Variants in SLC15A5 observed in about 807,000 individuals in gnomAD.
SLC15A5 encodes solute carrier family 15 member 5, also known as Peptide/histidine transporter ENSP00000340402.
A neutral mutation model predicts 56.1 loss-of-function variants in SLC15A5; 58 were observed. The ratio of observed to expected loss-of-function variants is 1.03; its 90% CI spans 0.84 to 1.29. The LOEUF (loss-of-function observed/expected upper bound fraction) is 1.29, where lower values mean the gene tolerates loss of function less well. SLC15A5 is among the 50% of genes most tolerant of loss of function. The pLI is 0.00. For synonymous variants in SLC15A5, 264 were observed against 250.5 expected (o/e 1.05, Z -0.51); for missense variants, 681 against 672.1 (o/e 1.01, Z -0.15).
intron 2 of SLC15A5, among the ~76,000 whole-genome samples, chr12:16,261,841 ATCT>A (rs2136812535): frequency 6.6e-6 from 1 of 152,240 alleles, no homozygotes; most frequent in Non-Finnish European, 1.5e-5. Context: ...CCATCTGCAT[ATCT>A]TCTTTGGTGA....
chr12:16,230,389 T>A (rs1864284168), intron 5 of SLC15A5, among the ~76,000 whole-genome samples: 1 of 152,100 alleles, frequency 6.6e-6, no homozygotes, highest in African/African-American at 2.4e-5. Context: ...TTGCTGAGGT[T>A]TGCAGCTTAT....
At chr12:16,231,997 G>A (rs965922876) in intron 5 of SLC15A5, among the ~76,000 whole-genome samples, 11 of 152,148 alleles carry the variant, frequency 7.2e-5, no homozygotes, top group African/African-American at 2.7e-4. Flanking sequence ...AACCCCATAA[G>A]TCTCACTTAT....
At chr12:16,226,135 T>G (rs1366835379) in intron 5 of SLC15A5, among the ~76,000 whole-genome samples, 1 of 152,210 alleles carries the variant, frequency 6.6e-6, no homozygotes, top group Non-Finnish European at 1.5e-5. Context: ...GTAAAACGGC[T>G]TTGTATTTAT....
chr12:16,261,003 CT>C (rs759420306), intron 2 of SLC15A5, among the ~76,000 whole-genome samples: 7 of 151,774 alleles, frequency 4.6e-5, no homozygotes, highest in Admixed American at 1.3e-4. Flanking sequence ...CTAATCTATC[CT>C]TATGCCAATA....
chr12:16,208,702 AG>A (rs1421404229), intron 7 of SLC15A5, among the ~76,000 whole-genome samples: 1 of 152,188 alleles, frequency 6.6e-6, no homozygotes, highest in African/African-American at 2.4e-5. Flanking sequence ...ATAATAAAAA[AG>A]TATCTTGAAC....
At chr12:16,202,679 G>A (rs1323380023) in intron 7 of SLC15A5, among the ~76,000 whole-genome samples, 1 of 152,104 alleles carries the variant, frequency 6.6e-6, no homozygotes, top group Non-Finnish European at 1.5e-5. Flanking sequence ...GTTTGTTGCA[G>A]TACTGTTCAC....
At chr12:16,221,986 C>T (rs13328985) in intron 6 of SLC15A5, among the ~76,000 whole-genome samples, 6,670 of 152,128 alleles carry the variant, frequency 0.044, 204 homozygotes, top group African/African-American at 0.071. Flanking sequence ...GAGCTGGGAA[C>T]AGGACACCTG....
chr12:16,209,685 C>A (rs1360967346), intron 7 of SLC15A5, among the ~76,000 whole-genome samples: 1 of 152,172 alleles, frequency 6.6e-6, no homozygotes, highest in Non-Finnish European at 1.5e-5. Context: ...GACACTACCT[C>A]CTCCCTCTTG....
At chr12:16,251,050 A>G (rs1365797167) in intron 3 of SLC15A5, among the ~76,000 whole-genome samples, 4 of 151,986 alleles carry the variant, frequency 2.6e-5, no homozygotes, top group Admixed American at 6.6e-5. Flanking sequence ...TGCTCTAAAA[A>G]TTGACAAGAA....
At chr12:16,206,550 A>C (rs1393070369) in intron 7 of SLC15A5, among the ~76,000 whole-genome samples, 1 of 152,162 alleles carries the variant, frequency 6.6e-6, no homozygotes, top group Non-Finnish European at 1.5e-5. Context: ...TAAGGACTCA[A>C]ATTTTTATTA....
Position 16,248,302 on chromosome 12 carries a change from A to ATG in SLC15A5, c.755-3503_755-3502insCA, listed in dbSNP as rs372363383. Among the ~76,000 whole-genome samples the ATG allele has an allele frequency of 6.2e-4, 94 of 152,242 alleles. 1 individual carries two copies. The East Asian group carries it at 0.018, about 28-fold the overall frequency. ...ATTGAGTGGTGTATTAGATGGCATTAAAAGCCATGAGTCCAGAGATTAGTT... is the reference window on the plus strand; with the variant it reads ...ATTGAGTGGTGTATTAGATGGCATTATGAAAGCCATGAGTCCAGAGATTAGTT... On this transcript the variant is annotated intron_variant, in intron 3 of 8. Transcript: ENST00000344941.
chr12:16,206,849 C>G (rs1481138255), intron 7 of SLC15A5, among the ~76,000 whole-genome samples: 1 of 152,138 alleles, frequency 6.6e-6, no homozygotes, highest in Middle Eastern at 3.2e-3. Flanking sequence ...CATTGTTCAC[C>G]TGAGCTGCAG....
chr12:16,195,033 T>C (rs1430523070), intron 7 of SLC15A5, among the ~76,000 whole-genome samples: 1 of 152,058 alleles, frequency 6.6e-6, no homozygotes, highest in Non-Finnish European at 1.5e-5. Flanking sequence ...GAGATTTTCT[T>C]TTCACCTAAT....
At chr12:16,257,565 G>T in intron 3 of SLC15A5, 136 bp downstream of exon 3, 1 of 614,002 alleles carries the variant, frequency 1.6e-6, no homozygotes, top group Non-Finnish European at 2.4e-6. Context: ...GCAGACCATT[G>T]CTTTATCAAG....
In SLC15A5 at chr12:16,277,379, C is replaced by T. The variant is rs1467641262; in HGVS notation, c.307G>A (p.Val103Ile). ...TPVFVRWLTD[V>I]YLGRNKLVYI... ...ACCAGTTTGTTTCTTCCTAAATAGA[C>T]ATCAGTGAGCCATCTGACAAACACA... Residue 103 changes from valine (V) to isoleucine (I), a missense_variant, in exon 1 of 9, where the codon GTC (valine) becomes ATC (isoleucine). By Grantham distance (29) the Val-to-Ile change is conservative. Coordinates refer to ENST00000344941, the MANE Select transcript of SLC15A5 (RefSeq NM_001170798.1). The T allele has an allele frequency of 1.3e-6, 2 of 1,536,118 alleles. No individual in the cohort carries two copies. The highest frequency in any genetic ancestry group is 1.7e-6 in the Non-Finnish European group (2 of 1,146,186).
intron 6 of SLC15A5, among the ~76,000 whole-genome samples, chr12:16,218,307 C>G (rs2417544): frequency 0.56 from 84,475 of 151,984 alleles, 23,755 homozygotes; most frequent in South Asian, 0.74. Context: ...TAATATTCCT[C>G]TTACTCTTTT....
rs990799673 is a variant in SLC15A5, at chr12:16,271,845, C to T, written c.584+716G>A. On this transcript the variant is annotated intron_variant, in intron 2 of 8. Transcript: ENST00000344941. The surrounding 1 kb of genome is among the most constrained non-coding windows in gnomAD (Gnocchi z 8.0). Reference sequence around the variant, plus strand: ...TTTCCTTAAAAAACACAAAAACCGACGAACTCCATAAGAACTCGTTGGGAG... The same window carrying T: ...TTTCCTTAAAAAACACAAAAACCGATGAACTCCATAAGAACTCGTTGGGAG... 9.9e-5 allele frequency among the ~76,000 whole-genome samples: 15 copies of T among 152,088 alleles called. No homozygotes were observed. Among genetic ancestry groups the T allele is most frequent in the Admixed American group, 2.6e-4 (4 of 15,256 alleles).
Position 16,217,023 on chromosome 12 carries a change from G to A in SLC15A5, c.1353C>T (p.Leu451=), listed in dbSNP as rs1399452863. ...GAACAAATCTGTATGATATTACAGAGACTGAGAGAAAAAGAGAGGTCAGAA... is the reference window on the plus strand; with the variant it reads ...GAACAAATCTGTATGATATTACAGAAACTGAGAGAAAAAGAGAGGTCAGAA... ...GVAETLVNPA[L]SVISYRFVPS... is the part of the protein sequence containing the mutation. The change falls in exon 7 of 9, where the codon CTC becomes CTT. Residue 451 remains leucine, a splice_region_variant and synonymous_variant. Coordinates refer to ENST00000344941, the MANE Select transcript of SLC15A5 (RefSeq NM_001170798.1). 2 of 1,529,870 alleles carry A rather than the reference G, an allele frequency of 1.3e-6. No individual in the cohort carries two copies. Among genetic ancestry groups the A allele is most frequent in the Non-Finnish European group, 1.7e-6 (2 of 1,144,568 alleles). The allele number at this position is 1,529,870 out of a possible 1,614,324, so 94.8% of individuals were successfully genotyped here.
At chr12:16,261,347 T>C (rs1294025586) in intron 2 of SLC15A5, among the ~76,000 whole-genome samples, 1 of 152,242 alleles carries the variant, frequency 6.6e-6, no homozygotes, top group Non-Finnish European at 1.5e-5. Flanking sequence ...ATCTGTATTT[T>C]TTAATCTGGC....
Sources: allele counts gnomAD v4.1 joint callset (sites outside exome capture counted in the v4.1 genomes callset), GRCh38; gene constraint gnomAD v4.1.1; non-coding constraint Gnocchi (gnomAD v3.1); transcripts MANE v1.5; gene names NCBI Gene and HGNC (gene_info 2026-07-23, HGNC 2026-07-21).